The following CA8 variants were observed in gnomAD, a reference collection of about 807,000 sequenced individuals.
The protein encoded by CA8 is carbonic anhydrase 8 (inactive).
CA8 carries 22 observed loss-of-function variants against 41.4 expected under a neutral mutation model. The observed-to-expected ratio is 0.53, with a 90% CI of 0.38 to 0.76. The LOEUF (loss-of-function observed/expected upper bound fraction) is 0.76, where lower values mean the gene tolerates loss of function less well. Among genes scored for constraint, CA8 ranks in the 30% least tolerant of loss-of-function variants. The pLI, the probability that CA8 is intolerant of heterozygous loss-of-function variation, is 0.00. For missense variants in CA8, 270 were observed against 352.8 expected (o/e 0.77, Z 1.88); for synonymous variants, 121 against 130.6 (o/e 0.93, Z 0.50).
chr8:60,217,496 A>G (rs959375677), intron 7 of CA8, among the ~76,000 whole-genome samples: 3 of 152,176 alleles, frequency 2.0e-5, no homozygotes, highest in Non-Finnish European at 2.9e-5. Flanking sequence ...TACAGTGCAC[A>G]TCCCTGGTTA....
intron 3 of CA8, among the ~76,000 whole-genome samples, chr8:60,238,553 G>A (rs577542477): frequency 2.0e-4 from 30 of 151,958 alleles, no homozygotes; most frequent in South Asian, 8.3e-4. Flanking sequence ...CTCCTGCCCC[G>A]CTTGCCAGGC....
intron 8 of CA8, 76 bp downstream of exon 8, chr8:60,208,673 AT>A: frequency 4.0e-6 from 5 of 1,242,678 alleles, no homozygotes; most frequent in Non-Finnish European, 5.9e-6. Context: ...AATTACCAGG[AT>A]CACAATAAGT....
intron 2 of CA8, among the ~76,000 whole-genome samples, chr8:60,268,139 A>C (rs1036949415): frequency 3.9e-5 from 6 of 152,212 alleles, no homozygotes; most frequent in Non-Finnish European, 8.8e-5. Flanking sequence ...TGAGCTCTAT[A>C]ACTCCACTTC....
intron 3 of CA8, among the ~76,000 whole-genome samples, chr8:60,250,694 T>A (rs914139011): frequency 1.3e-5 from 2 of 152,218 alleles, no homozygotes; most frequent in South Asian, 4.1e-4. Context: ...CCGCATATCT[T>A]TTCACTAATG....
chr8:60,231,898 G>A (rs1016126189), intron 4 of CA8, among the ~76,000 whole-genome samples: 5 of 151,948 alleles, frequency 3.3e-5, no homozygotes, highest in Non-Finnish European at 7.4e-5. Flanking sequence ...AATAAAGAAG[G>A]GCTAAAGTAA....
chr8:60,247,279 G>A (rs1338936588), intron 3 of CA8, among the ~76,000 whole-genome samples: 2 of 149,250 alleles, frequency 1.3e-5, no homozygotes, highest in Admixed American at 6.6e-5. Context: ...TGTTACATAG[G>A]TATACATATG....
At chr8:60,268,742 T>TTGTAGATCTTACATTCTATTATCCTGAAG (rs1803976301) in intron 2 of CA8, among the ~76,000 whole-genome samples, 3 of 152,186 alleles carry the variant, frequency 2.0e-5, no homozygotes, top group Non-Finnish European at 4.4e-5. Flanking sequence ...TTCCCTGGCC[T>TTGTAGATCTTACATTCTATTATCCTGAAG]TGTAGATCTT....
chr8:60,220,078 T>C (rs10957123), intron 7 of CA8, among the ~76,000 whole-genome samples: 44,231 of 151,952 alleles, frequency 0.29, 6,847 homozygotes, highest in Middle Eastern at 0.39. Flanking sequence ...CTCAACATTC[T>C]ACGGAAACAT....
chr8:60,208,561 A>G, intron 8 of CA8, 189 bp downstream of exon 8: 3 of 602,274 alleles, frequency 5.0e-6, no homozygotes, highest in Non-Finnish European at 5.8e-6. Context: ...GTTTTTCTTC[A>G]ATACTGCATA....
chr8:60,226,961 A>C lies in CA8; in HGVS notation c.514-26T>G, dbSNP rs774026396. The C allele has an allele frequency of 2.6e-6, 4 of 1,535,818 alleles. No homozygotes were observed. The African/African-American group carries it at 5.5e-5, about 21-fold the overall frequency. The stretch of plus-strand genomic sequence containing the variant: ...CTGAAAAACATAAAGCATAAACCAC[A>C]ACCACAACATTTTTCAGTGTTTAGC... On this transcript the variant is annotated intron_variant, in intron 4 of 8. Coordinates refer to ENST00000317995, the MANE Select transcript of CA8 (RefSeq NM_004056.6).
rs1806043623 is a variant in CA8, at chr8:60,189,154, T to C, written c.*867A>G. On this transcript the variant is annotated 3_prime_UTR_variant, in exon 9 of 9. Transcript: ENST00000317995. Reference sequence around the variant, plus strand: ...GAAATGTCTTAACATACCAAAGTAGTGGAATCAATAGAATAAAATATTTAA... The same window carrying C: ...GAAATGTCTTAACATACCAAAGTAGCGGAATCAATAGAATAAAATATTTAA... The C allele has an allele frequency of 6.6e-6, 1 of 152,096 alleles. No individual in the cohort carries two copies. The allele number at this position is 152,096 out of a possible 1,614,324, so 9.4% of individuals were successfully genotyped here. A position where few individuals can be genotyped will look rare whatever the true frequency, so the allele number is the denominator to read the frequency against.
intron 3 of CA8, among the ~76,000 whole-genome samples, chr8:60,262,449 A>C (rs1423460976): frequency 6.6e-6 from 1 of 152,230 alleles, no homozygotes; most frequent in African/African-American, 2.4e-5. Context: ...ACAAACACAC[A>C]AGAATTAATT....
chr8:60,234,058 A>G (rs1356255952), intron 3 of CA8, among the ~76,000 whole-genome samples: 1 of 152,224 alleles, frequency 6.6e-6, no homozygotes, highest in Admixed American at 6.5e-5. Context: ...GATCAAGGTC[A>G]ACATCAACAG....
chr8:60,216,498 T>C (rs1807027184), intron 7 of CA8, among the ~76,000 whole-genome samples: 1 of 152,224 alleles, frequency 6.6e-6, no homozygotes, highest in South Asian at 2.1e-4. Context: ...GATTATTCCT[T>C]CTAATATGCA....
intron 2 of CA8, among the ~76,000 whole-genome samples, chr8:60,269,590 T>C (rs937377559): frequency 8.5e-5 from 13 of 152,256 alleles, no homozygotes; most frequent in Non-Finnish European, 5.9e-5. Flanking sequence ...ACATGATGTA[T>C]ATACATTTAT....
chr8:60,238,213 T>A (rs1257675420), intron 3 of CA8, among the ~76,000 whole-genome samples: 1 of 152,212 alleles, frequency 6.6e-6, no homozygotes, highest in East Asian at 1.9e-4. Flanking sequence ...AAAAATAAGT[T>A]TGAAGACTTC....
intron 2 of CA8, among the ~76,000 whole-genome samples, chr8:60,271,303 C>T (rs909159719): frequency 1.3e-5 from 2 of 151,516 alleles, no homozygotes; most frequent in African/African-American, 4.9e-5. Flanking sequence ...GACTGTACTC[C>T]AGCGTGGCCA....
At chr8:60,255,874 C>T (rs1294585600) in intron 3 of CA8, among the ~76,000 whole-genome samples, 2 of 151,912 alleles carry the variant, frequency 1.3e-5, no homozygotes, top group African/African-American at 4.8e-5. Flanking sequence ...ACATGAGAAA[C>T]TCAGTGCAAG....
chr8:60,230,618 T>A (rs936786935), intron 4 of CA8, among the ~76,000 whole-genome samples: 2 of 151,090 alleles, frequency 1.3e-5, no homozygotes, highest in Non-Finnish European at 2.9e-5. Flanking sequence ...CTTCCTTCCT[T>A]CCTGAAATTT....
Sources: allele counts gnomAD v4.1 joint callset (sites outside exome capture counted in the v4.1 genomes callset), GRCh38; gene constraint gnomAD v4.1.1; transcripts MANE v1.5; gene names NCBI Gene and HGNC (gene_info 2026-07-23, HGNC 2026-07-21).